The following BMPER variants were observed in gnomAD, a reference collection of about 807,000 sequenced individuals.
The protein encoded by BMPER is BMP binding endothelial regulator.
BMPER carries 45 observed loss-of-function variants against 87.3 expected under a neutral mutation model. The observed-to-expected ratio is 0.52, with a 90% CI of 0.41 to 0.66. The LOEUF (loss-of-function observed/expected upper bound fraction) is 0.66. BMPER is among the 30% of genes least tolerant of loss of function. BMPER has a pLI of 0.00. For missense variants in BMPER, 784 were observed against 867.5 expected (o/e 0.90, Z 1.21); for synonymous variants, 326 against 316.2 (o/e 1.03, Z -0.33).
intron 8 of BMPER, among the ~76,000 whole-genome samples, chr7:34,053,012 C>T (rs1432226758): frequency 1.3e-5 from 2 of 152,154 alleles, no homozygotes; most frequent in Non-Finnish European, 2.9e-5. Flanking sequence ...AAGAATTTCG[C>T]AGGAGATAGC....
At chr7:34,106,060 A>C (rs970723050) in intron 13 of BMPER, among the ~76,000 whole-genome samples, 1 of 152,204 alleles carries the variant, frequency 6.6e-6, no homozygotes, top group Non-Finnish European at 1.5e-5. Context: ...AGCTCGTCTC[A>C]GTCCTGAGTG....
chr7:33,964,869 A>C (rs1305552199), intron 3 of BMPER, among the ~76,000 whole-genome samples: 2 of 152,202 alleles, frequency 1.3e-5, no homozygotes, highest in Non-Finnish European at 2.9e-5. Context: ...CAGACTTGGC[A>C]GGCGTTTCAT....
At chr7:33,939,980 AGTCCTGTTCACT>A (rs1263559582) in intron 3 of BMPER, 2 of 302,588 alleles carry the variant, frequency 6.6e-6, no homozygotes, top group Non-Finnish European at 1.5e-5. Flanking sequence ...TAAGGGACAC[AGTCCTGTTCACT>A]CTTAAATACT....
chr7:34,085,211 G>A (rs1367056488), intron 12 of BMPER, among the ~76,000 whole-genome samples: 1 of 152,140 alleles, frequency 6.6e-6, no homozygotes, highest in Non-Finnish European at 1.5e-5. Flanking sequence ...TATCAGTGTT[G>A]CCTTTGAAGG....
intron 13 of BMPER, among the ~76,000 whole-genome samples, chr7:34,141,329 G>A (rs1490716586): frequency 2.0e-5 from 3 of 152,110 alleles, no homozygotes; most frequent in Non-Finnish European, 2.9e-5. Context: ...ACAATCTTGA[G>A]CCAGGCACAG....
At chr7:33,951,058 T>G (rs1419035560) in intron 3 of BMPER, among the ~76,000 whole-genome samples, 1 of 151,854 alleles carries the variant, frequency 6.6e-6, no homozygotes, top group Non-Finnish European at 1.5e-5. Flanking sequence ...GGACTTTTTT[T>G]TTTTTTTCAG....
At position 34,143,272 on chromosome 7, in the gene BMPER, C is replaced by G; in HGVS notation, c.1788C>G (p.Asn596Lys). Residue 596 changes from asparagine to lysine, a missense_variant, in exon 14 of 15, where the codon AAC becomes AAG. Coordinates refer to ENST00000649409, the MANE Select transcript of BMPER (RefSeq NM_001365308.1). ...TGTGTGAATGTCCAGTCCATAAAAA[C>G]TGTTATTGCGAGTCATTTTTGGCAT... ...TDMCECPVHK[N>K]CYCESFLAYT... 1 of 1,614,002 alleles carries G rather than the reference C, an allele frequency of 6.2e-7. No homozygotes were observed. The highest frequency in any genetic ancestry group is 8.5e-7 in the Non-Finnish European group (1 of 1,179,956).
intron 9 of BMPER, among the ~76,000 whole-genome samples, chr7:34,057,683 G>A (rs1041733338): frequency 6.6e-6 from 1 of 152,104 alleles, no homozygotes; most frequent in Admixed American, 6.5e-5. Context: ...TTATCAAACG[G>A]GAAAATTAGA....
At chr7:33,951,537 C>T (rs1010895592) in intron 3 of BMPER, among the ~76,000 whole-genome samples, 3 of 152,066 alleles carry the variant, frequency 2.0e-5, no homozygotes, top group African/African-American at 7.2e-5. Context: ...AATTAAGTAT[C>T]TTTTCTTCTT....
chr7:33,990,582 C>T (rs2127925533), intron 6 of BMPER, among the ~76,000 whole-genome samples: 1 of 151,840 alleles, frequency 6.6e-6, no homozygotes, highest in African/African-American at 2.4e-5. Flanking sequence ...TTGACTTCCT[C>T]TTTTTCTAAT....
At chr7:33,936,252 G>A (rs1784598492) in intron 2 of BMPER, among the ~76,000 whole-genome samples, 1 of 152,168 alleles carries the variant, frequency 6.6e-6, no homozygotes, top group Non-Finnish European at 1.5e-5. Context: ...AAGGTGAGCA[G>A]AGCCGGCCAG....
At chr7:33,954,075 G>A (rs1785091703) in intron 3 of BMPER, among the ~76,000 whole-genome samples, 1 of 152,040 alleles carries the variant, frequency 6.6e-6, no homozygotes, top group Admixed American at 6.6e-5. Flanking sequence ...GATTCCACTG[G>A]GCATCTATAT....
At chr7:34,100,500 T>A (rs1789653262) in intron 13 of BMPER, among the ~76,000 whole-genome samples, 1 of 152,158 alleles carries the variant, frequency 6.6e-6, no homozygotes, top group South Asian at 2.1e-4. Flanking sequence ...GCCAACCCCT[T>A]CTGCTGCCTG....
chr7:34,025,110 T>A (rs1787322395), intron 6 of BMPER, among the ~76,000 whole-genome samples: 1 of 152,106 alleles, frequency 6.6e-6, no homozygotes, highest in South Asian at 2.1e-4. Flanking sequence ...TTGTATGTAG[T>A]CATGTAATTG....
At chr7:34,106,717 T>G (rs1429364682) in intron 13 of BMPER, among the ~76,000 whole-genome samples, 1 of 152,188 alleles carries the variant, frequency 6.6e-6, no homozygotes, top group East Asian at 1.9e-4. Flanking sequence ...CAAGACAAAA[T>G]TCCAAATTCT....
intron 4 of BMPER, among the ~76,000 whole-genome samples, chr7:33,967,170 A>G (rs10282035): frequency 0.14 from 21,880 of 152,172 alleles, 1,964 homozygotes; most frequent in East Asian, 0.24. Flanking sequence ...AGAAATGAAA[A>G]GCCTAAATTT....
chr7:33,996,950 A>G (rs992570164), intron 6 of BMPER, among the ~76,000 whole-genome samples: 1 of 152,154 alleles, frequency 6.6e-6, no homozygotes, highest in Non-Finnish European at 1.5e-5. Flanking sequence ...CCAGTGCTCA[A>G]TCGCACATGT....
intron 14 of BMPER, among the ~76,000 whole-genome samples, chr7:34,152,466 T>C (rs534667583): frequency 6.6e-6 from 1 of 152,344 alleles, no homozygotes; most frequent in African/African-American, 2.4e-5. Context: ...ATAAAGATAG[T>C]AAATTGGCTG....
Position 33,908,192 on chromosome 7 carries a change from G to A in BMPER, c.219+1289G>A, listed in dbSNP as rs535038517. Among the ~76,000 whole-genome samples the A allele has an allele frequency of 2.0e-5, 3 of 151,688 alleles. No homozygotes were observed. The South Asian group carries it at 6.2e-4, about 31-fold the overall frequency. ...ACTCAGTTGTAGATTTACAAATGCA[G>A]TGTGTGTGTATGTGTGTTTAATCTT... On this transcript the variant is annotated intron_variant, in intron 2 of 14. Coordinates refer to ENST00000649409, the MANE Select transcript of BMPER (RefSeq NM_001365308.1).
Sources: gnomAD v4.1 joint callset for allele counts (sites outside exome capture counted in the v4.1 genomes callset) on GRCh38, gnomAD v4.1.1 for gene constraint, MANE v1.5 for transcripts, NCBI Gene and HGNC (gene_info 2026-07-23, HGNC 2026-07-21) for gene names.